The following NCAN variants were observed in gnomAD, a reference collection of about 807,000 sequenced individuals.
NCAN encodes the protein neurocan core protein.
In NCAN, 47 loss-of-function variants were observed where a neutral mutation model predicts 121.8. The ratio of observed to expected loss-of-function variants is 0.39; its 90% CI spans 0.31 to 0.49. The LOEUF is 0.49. Ranked by LOEUF, NCAN falls within the 20% of genes least tolerant of loss-of-function variation. The pLI, the probability that NCAN is intolerant of heterozygous loss-of-function variation, is 0.92. For synonymous variants in NCAN, 633 were observed against 702.0 expected (o/e 0.90, Z 1.55); for missense variants, 1,517 against 1,773.4 (o/e 0.86, Z 2.60).
At chr19:19,224,946 C>A (rs768793002) in intron 5 of NCAN, 31 bp from the exon 6 acceptor site, 1 of 1,372,964 alleles carries the variant, frequency 7.3e-7, no homozygotes, top group Non-Finnish European at 9.4e-7. Flanking sequence ...GGTTCCCCAG[C>A]CCCCCTGACC....
At chr19:19,234,916 T>C in intron 9 of NCAN, 67 bp from the exon 10 acceptor site, 1 of 1,010,806 alleles carries the variant, frequency 9.9e-7, no homozygotes, top group South Asian at 1.5e-5. Context: ...TTCTGCTTAG[T>C]TTCCTGTGGG....
At position 19,248,751 on chromosome 19, in the gene NCAN, G is replaced by C. The variant is rs780491696; in HGVS notation, c.3689G>C (p.Arg1230Pro). ...AVENASLIGA[R>P]KAKYNVHATV... ...GAGAATGCCTCACTCATCGGTGCCC[G>C]CAAGGCCAAGTACAATGTCCATGCC... Residue 1230 changes from arginine (R) to proline (P), a missense_variant, in exon 14 of 15, where the codon CGC (arginine) becomes CCC (proline). Arg to Pro is a moderately radical substitution (Grantham distance 103). Transcript: ENST00000252575. 3 of 1,614,162 alleles carry C rather than the reference G, an allele frequency of 1.9e-6. No homozygotes were observed. In the South Asian group the frequency reaches 3.3e-5, roughly 18 times the overall value.
intron 8 of NCAN, among the ~76,000 whole-genome samples, chr19:19,232,447 C>T (rs2146547529): frequency 6.6e-6 from 1 of 152,342 alleles, no homozygotes; most frequent in African/African-American, 2.4e-5. Context: ...CGTGCAGGGC[C>T]GTCGTCCAGC....
rs1218504299 is a variant in NCAN, at chr19:19,225,649, T to C, written c.1072+379T>C. ...CCCGTGGAAGAGATAATGCCTCAATTGGCCACCTCTGGGCACCACACCGGA... is the reference window on the plus strand; with the variant it reads ...CCCGTGGAAGAGATAATGCCTCAATCGGCCACCTCTGGGCACCACACCGGA... On this transcript the variant is annotated intron_variant, in intron 6 of 14. Coordinates refer to ENST00000252575, the MANE Select transcript of NCAN (RefSeq NM_004386.3). The surrounding 1 kb of genome is among the most constrained non-coding windows in gnomAD (Gnocchi z 4.0). Among the ~76,000 whole-genome samples the C allele has an allele frequency of 6.6e-6, 1 of 152,168 alleles. No individual in the cohort carries two copies. Among genetic ancestry groups the C allele is most frequent in the Non-Finnish European group, 1.5e-5 (1 of 68,014 alleles).
intron 2 of NCAN, among the ~76,000 whole-genome samples, chr19:19,218,685 T>C (rs971136554): frequency 1.3e-5 from 2 of 152,144 alleles, no homozygotes; most frequent in Non-Finnish European, 1.5e-5. Context: ...TTGGTCAGGC[T>C]GGTTTCAAAT....
chr19:19,220,614 C>T (rs1466349966), intron 3 of NCAN, among the ~76,000 whole-genome samples: 1 of 151,932 alleles, frequency 6.6e-6, no homozygotes, highest in African/African-American at 2.4e-5. Context: ...CCCGCCACAG[C>T]GCCTGGCTAA....
intron 3 of NCAN, among the ~76,000 whole-genome samples, chr19:19,222,958 A>G (rs1285116899): frequency 1.3e-5 from 2 of 152,034 alleles, no homozygotes; most frequent in East Asian, 3.9e-4. Context: ...AATAGAAAAA[A>G]ATTAGCTGGG....
chr19:19,217,007 C>T lies in NCAN; in HGVS notation c.54C>T (p.Leu18=). Residue 18 remains leucine, a synonymous_variant, in exon 2 of 15, where the codon CTC becomes CTT. Transcript: ENST00000252575. The stretch of plus-strand genomic sequence containing the variant: ...GCCTTTTGATGCTGCAGATGCTGCT[C>T]TTTGTGGCTGGGGAACAGGGTGAGT... The part of the protein sequence containing the change: ...ALGLLMLQML[L]FVAGEQGTQD... 4 of 1,312,030 alleles carry T rather than the reference C, an allele frequency of 3.0e-6. No individual in the cohort carries two copies. The highest frequency in any genetic ancestry group is 6.1e-5 in the Admixed American group (2 of 32,724). The allele number at this position is 1,312,030 out of a possible 1,614,324, so 81.3% of individuals were successfully genotyped here. A position where few individuals can be genotyped will look rare whatever the true frequency, so the allele number is the denominator to read the frequency against.
intron 10 of NCAN, among the ~76,000 whole-genome samples, chr19:19,237,514 A>C (rs1380675416): frequency 6.6e-6 from 1 of 151,864 alleles, no homozygotes; most frequent in African/African-American, 2.4e-5. Flanking sequence ...TTATATATAT[A>C]TATCTCCATC....
At chr19:19,234,040 C>T in intron 9 of NCAN, 135 bp downstream of exon 9, 1 of 609,244 alleles carries the variant, frequency 1.6e-6, no homozygotes, top group Non-Finnish European at 3.0e-6. Flanking sequence ...CCAAACCCCA[C>T]TCCTTGCATT....
chr19:19,242,479 C>T (rs186541897), intron 12 of NCAN, among the ~76,000 whole-genome samples: 3 of 151,974 alleles, frequency 2.0e-5, no homozygotes, highest in East Asian at 1.9e-4. Context: ...CACCTGAGGT[C>T]GGGAGTTCAA....
rs1294496950 is a variant in NCAN at position 19,224,350 on chromosome 19, G to A, written c.695G>A (p.Ser232Asn). The change falls in exon 5 of 15, where the codon AGC becomes AAC. Residue 232 changes from serine (S) to asparagine (N), a missense_variant. Ser to Asn is a conservative substitution (Grantham distance 46). Coordinates refer to ENST00000252575, the MANE Select transcript of NCAN (RefSeq NM_004386.3). ...QSRPGCYGDR[S>N]SLPGVRSYGR... ...CGTCCTGGTTGCTATGGCGACCGTAGCAGCCTTCCAGGGGTTCGGAGCTAT... is the reference window on the plus strand; with the variant it reads ...CGTCCTGGTTGCTATGGCGACCGTAACAGCCTTCCAGGGGTTCGGAGCTAT... 1 of 1,613,976 alleles carries A rather than the reference G, an allele frequency of 6.2e-7. No homozygotes were observed.
In NCAN at chr19:19,240,676, C is replaced by G; in HGVS notation, c.3483C>G (p.Asn1161Lys). Residue 1161 changes from asparagine to lysine, a missense_variant, in exon 12 of 15, where the codon AAC becomes AAG. Coordinates refer to ENST00000252575, the MANE Select transcript of NCAN (RefSeq NM_004386.3). ...AGAGAGATTTCCAGTGGACGGACAA[C>G]ACCGGGCTGGTGAGTGGCAGGGGCT... ...IVERDFQWTD[N>K]TGLQFENWRE... 1 of 1,614,068 alleles carries G rather than the reference C, an allele frequency of 6.2e-7. No individual in the cohort carries two copies. Among genetic ancestry groups the G allele is most frequent in the South Asian group, 1.1e-5 (1 of 91,084 alleles).
chr19:19,250,132 C>T lies in NCAN; in HGVS notation c.*221C>T, dbSNP rs1251811954. On this transcript the variant is annotated 3_prime_UTR_variant, in exon 15 of 15. Transcript: ENST00000252575. ...GAGCCAGGTGTCTGAAAAGTTCATT[C>T]TCGTCTGGCTGAACTCTGGGAGTGT... 5.8e-6 allele frequency: 4 copies of T among 685,436 alleles called. No homozygotes were observed. The highest frequency in any genetic ancestry group is 1.1e-5 in the Non-Finnish European group (4 of 376,482). 42.5% of individuals were successfully genotyped at this position (685,436 alleles called of 1,614,324 possible).
rs1568601895 is a variant in NCAN, at chr19:19,240,590, C to G, written c.3410-13C>G. On this transcript the variant is annotated splice_polypyrimidine_tract_variant and intron_variant, in intron 11 of 14. Transcript: ENST00000252575. ...TGGGTGAACACCCAGACCCACAACC[C>G]CCGACCCTGCAGGCTTTGGGCATGA... 3 of 1,613,994 alleles carry G rather than the reference C, an allele frequency of 1.9e-6. No individual in the cohort carries two copies. Among genetic ancestry groups the G allele is most frequent in the Non-Finnish European group, 2.5e-6 (3 of 1,179,994 alleles).
rs760448991 is a variant in NCAN, at chr19:19,227,113, T to C, written c.1660+40T>C. 1.1e-5 allele frequency: 16 copies of C among 1,499,772 alleles called. No homozygotes were observed. The Admixed American group carries it at 1.2e-4, about 11-fold the overall frequency. The allele number at this position is 1,499,772 out of a possible 1,614,324, so 92.9% of individuals were successfully genotyped here. On this transcript the variant is annotated intron_variant, in intron 7 of 14. Transcript: ENST00000252575. This position sits in a 1 kb window ranked among gnomAD's most constrained non-coding sequence, Gnocchi z 4.2. ...GGGAGGCGGGACCTACCTGGGGATC[T>C]GGAGGTGAGGGTAGAGAGGTAGCCA...
Position 19,224,118 on chromosome 19 carries a change from C to G in NCAN, c.573C>G (p.Ala191=), listed in dbSNP as rs1167205906. The G allele has an allele frequency of 6.2e-7, 1 of 1,609,456 alleles. No individual in the cohort carries two copies. Among genetic ancestry groups the G allele is most frequent in the Non-Finnish European group, 8.5e-7 (1 of 1,176,486 alleles). Reference sequence around the variant, plus strand: ...GTCTCAGCTCAGCCATCATTGCAGCCCCTCGGCATCTACAGGCTGCCTTTG... The same window carrying G: ...GTCTCAGCTCAGCCATCATTGCAGCGCCTCGGCATCTACAGGCTGCCTTTG... ...ACRLSSAIIA[A]PRHLQAAFED... is the part of the protein sequence containing the mutation. Residue 191 remains alanine, a synonymous_variant, in exon 4 of 15, where the codon GCC becomes GCG. Transcript: ENST00000252575.
chr19:19,227,921 C>T lies in NCAN; in HGVS notation c.2301C>T (p.Pro767=). The T allele has an allele frequency of 1.2e-6, 2 of 1,613,640 alleles. No individual in the cohort carries two copies. Among genetic ancestry groups the T allele is most frequent in the East Asian group, 4.5e-5 (2 of 44,878 alleles). ...GGGTCTTCGACACAGCAGAAAGCCC[C>T]ACTTCTGGCTTGCAGGCCACTGTAG... ...ESGVFDTAES[P]TSGLQATVDE... Residue 767 remains proline (P), a synonymous_variant, in exon 8 of 15, where the codon CCC becomes CCT. Coordinates refer to ENST00000252575, the MANE Select transcript of NCAN (RefSeq NM_004386.3). The surrounding 1 kb of genome is among the most constrained non-coding windows in gnomAD (Gnocchi z 4.2).
At chr19:19,249,703 C>T in intron 14 of NCAN, 63 bp from the exon 15 acceptor site, 1 of 1,539,338 alleles carries the variant, frequency 6.5e-7, no homozygotes, top group Admixed American at 2.1e-5. Flanking sequence ...ACACCCGCTG[C>T]ATCAGGCCAC....
Sources: allele counts gnomAD v4.1 joint callset (sites outside exome capture counted in the v4.1 genomes callset), GRCh38; gene constraint gnomAD v4.1.1; non-coding constraint Gnocchi (gnomAD v3.1); transcripts MANE v1.5; gene names NCBI Gene and HGNC (gene_info 2026-07-23, HGNC 2026-07-21).